Variants in SLC44A5 observed in about 807,000 individuals in gnomAD.
The protein encoded by SLC44A5 is solute carrier family 44 member 5.
A neutral mutation model predicts 101.8 loss-of-function variants in SLC44A5; 57 were observed. The ratio of observed to expected loss-of-function variants is 0.56; its 90% CI spans 0.45 to 0.70. SLC44A5 has a LOEUF of 0.70. SLC44A5 is among the 30% of genes least tolerant of loss of function. SLC44A5 has a pLI of 0.00. For synonymous variants in SLC44A5, 281 were observed against 290.9 expected, an observed-to-expected ratio of 0.97 and a Z score of 0.35; for missense variants, 737 against 853.1, an observed-to-expected ratio of 0.86 and a Z score of 1.70.
intron 4 of SLC44A5, among the ~76,000 whole-genome samples, chr1:75,335,446 G>T (rs911469665): frequency 1.3e-5 from 2 of 152,282 alleles, no homozygotes; most frequent in Non-Finnish European, 2.9e-5. Flanking sequence ...ATTATCAAAA[G>T]GTTGCTTGAT....
chr1:75,632,384 T>G, the SLC44A5 span, among the ~76,000 whole-genome samples: 1 of 151,908 alleles, frequency 6.6e-6, no homozygotes, highest in African/African-American at 2.4e-5. Context: ...GCTACTTCTT[T>G]TTTTTTTTGC....
intron 5 of SLC44A5, among the ~76,000 whole-genome samples, chr1:75,293,164 T>A (rs1048980138): frequency 7.9e-5 from 12 of 152,248 alleles, no homozygotes; most frequent in African/African-American, 2.9e-4. Context: ...TGGCAAGAGA[T>A]GGTGAAAAAT....
intron 3 of SLC44A5, among the ~76,000 whole-genome samples, chr1:75,373,636 C>T (rs1335872462): frequency 6.6e-6 from 1 of 152,102 alleles, no homozygotes; most frequent in African/African-American, 2.4e-5. Context: ...GCAAGGCTGC[C>T]TTTCCTGCAG....
chr1:75,374,897 G>A (rs1660472968), intron 3 of SLC44A5, among the ~76,000 whole-genome samples: 2 of 152,082 alleles, frequency 1.3e-5, no homozygotes, highest in South Asian at 4.1e-4. Flanking sequence ...AAGAAATACT[G>A]GCCCCCTCAT....
intron 3 of SLC44A5, among the ~76,000 whole-genome samples, chr1:75,373,799 C>A (rs1442478055): frequency 6.6e-6 from 1 of 152,120 alleles, no homozygotes; most frequent in Non-Finnish European, 1.5e-5. Context: ...TAAACTCCCC[C>A]AGCACAGCTG....
chr1:75,302,014 T>C (rs550262226), intron 4 of SLC44A5, among the ~76,000 whole-genome samples: 32 of 151,702 alleles, frequency 2.1e-4, no homozygotes, highest in African/African-American at 6.3e-4. Flanking sequence ...CTGTCATTTG[T>C]TTAAATCTAG....
the SLC44A5 span, among the ~76,000 whole-genome samples, chr1:75,626,678 C>G: frequency 6.6e-6 from 1 of 152,070 alleles, no homozygotes; most frequent in Non-Finnish European, 1.5e-5. Flanking sequence ...AGCTCAGTCC[C>G]TTCTCTCTGT....
At chr1:75,594,556 T>C (rs1674530674) in intron 1 of SLC44A5, among the ~76,000 whole-genome samples, 1 of 152,034 alleles carries the variant, frequency 6.6e-6, no homozygotes, top group South Asian at 2.1e-4. Flanking sequence ...GTATGTCAAC[T>C]GTAAAATGGC....
At chr1:75,691,636 G>T in the SLC44A5 span, among the ~76,000 whole-genome samples, 1 of 152,168 alleles carries the variant, frequency 6.6e-6, no homozygotes, top group Non-Finnish European at 1.5e-5. Flanking sequence ...TGGGGCATGG[G>T]TGGCTTAGAG....
chr1:75,556,253 C>T (rs1401621818), intron 1 of SLC44A5, among the ~76,000 whole-genome samples: 1 of 152,060 alleles, frequency 6.6e-6, no homozygotes, highest in Non-Finnish European at 1.5e-5. Flanking sequence ...ATGGGTAATA[C>T]ATACGTCAAA....
chr1:75,634,957 T>A, the SLC44A5 span, among the ~76,000 whole-genome samples: 1 of 151,852 alleles, frequency 6.6e-6, no homozygotes, highest in Admixed American at 6.6e-5. Context: ...CAAACACATT[T>A]ACAAGAAAAA....
At chr1:75,250,502 C>T (rs543062018) in intron 7 of SLC44A5, among the ~76,000 whole-genome samples, 1 of 152,164 alleles carries the variant, frequency 6.6e-6, no homozygotes, top group African/African-American at 2.4e-5. Flanking sequence ...ATTTATATTC[C>T]CTTGGGTATA....
intron 3 of SLC44A5, among the ~76,000 whole-genome samples, chr1:75,348,250 T>C (rs1658397994): frequency 6.6e-6 from 1 of 151,916 alleles, no homozygotes; most frequent in South Asian, 2.1e-4. Flanking sequence ...ATTGACAAAA[T>C]AGTGGAAAAA....
the SLC44A5 span, among the ~76,000 whole-genome samples, chr1:75,695,700 T>A: frequency 6.7e-6 from 1 of 148,430 alleles, no homozygotes. Flanking sequence ...TATTTATATA[T>A]GTATATAAAA....
At chr1:75,436,151 A>T (rs1203493336) in intron 2 of SLC44A5, among the ~76,000 whole-genome samples, 1 of 152,164 alleles carries the variant, frequency 6.6e-6, no homozygotes, top group Non-Finnish European at 1.5e-5. Context: ...AGATGTAAAC[A>T]TCTTTATCTT....
chr1:75,444,457 A>G (rs1450003742), intron 2 of SLC44A5, among the ~76,000 whole-genome samples: 2 of 117,066 alleles, frequency 1.7e-5, no homozygotes, highest in African/African-American at 6.5e-5. Context: ...GAAAGAAAGA[A>G]AAAGAAAAAA....
At chr1:75,328,502 A>C (rs2100989824) in intron 4 of SLC44A5, among the ~76,000 whole-genome samples, 1 of 152,298 alleles carries the variant, frequency 6.6e-6, no homozygotes, top group Non-Finnish European at 1.5e-5. Flanking sequence ...TAGGAGATAG[A>C]AAAAGAAACT....
the SLC44A5 span, among the ~76,000 whole-genome samples, chr1:75,625,876 C>T: frequency 6.6e-6 from 1 of 152,090 alleles, no homozygotes; most frequent in Non-Finnish European, 1.5e-5. Flanking sequence ...CAGTCACTTT[C>T]CTAACTGGTG....
intron 1 of SLC44A5, among the ~76,000 whole-genome samples, chr1:75,604,303 G>C (rs1675191244): frequency 6.6e-6 from 1 of 152,016 alleles, no homozygotes; most frequent in Non-Finnish European, 1.5e-5. Context: ...GGTTTACTTT[G>C]TTGAAGGTCA....
Sources: gnomAD v4.1 joint callset for allele counts (sites outside exome capture counted in the v4.1 genomes callset) on GRCh38, gnomAD v4.1.1 for gene constraint, MANE v1.5 for transcripts, NCBI Gene and HGNC (gene_info 2026-07-23, HGNC 2026-07-21) for gene names.